FCHSD1: variants seen among roughly 807,000 people sequenced by gnomAD.
The protein encoded by FCHSD1 is FCH and double SH3 domains 1.
In FCHSD1, 109 loss-of-function variants were observed where a neutral mutation model predicts 101.3. That is an observed-to-expected ratio of 1.08 (90% CI 0.92 to 1.26). The LOEUF (loss-of-function observed/expected upper bound fraction) is 1.26, where lower values mean the gene tolerates loss of function less well. Ranked by LOEUF, FCHSD1 falls within the 50% of genes most tolerant of loss-of-function variation. The pLI is 0.00. For missense variants in FCHSD1, 820 were observed against 895.8 expected, an observed-to-expected ratio of 0.92 and a Z score of 1.08; for synonymous variants, 291 against 356.8, an observed-to-expected ratio of 0.82 and a Z score of 2.08.
chr5:141,639,550 G>A lies in FCHSD1; in HGVS notation c.*1948C>T. 1 of 1,613,982 alleles carries A rather than the reference G, an allele frequency of 6.2e-7. No homozygotes were observed. Among genetic ancestry groups the A allele is most frequent in the South Asian group, 1.1e-5 (1 of 91,078 alleles). On this transcript the variant is annotated 3_prime_UTR_variant, in exon 20 of 20. Coordinates refer to ENST00000435817, the MANE Select transcript of FCHSD1 (RefSeq NM_033449.3). The surrounding 1 kb of genome is among the most constrained non-coding windows in gnomAD (Gnocchi z 4.4). ...GGCTCTGCAGCCCCTTGCCTCCATT[G>A]CAGCCGCAGCAAGAGGCCTCCACTT...
rs1186947339 is a variant in FCHSD1 at position 141,639,366 on chromosome 5, C to T, written c.*2132G>A. 7.1e-6 allele frequency: 7 copies of T among 983,960 alleles called. No individual in the cohort carries two copies. Among genetic ancestry groups the T allele is most frequent in the Non-Finnish European group, 1.0e-5 (7 of 671,550 alleles). The allele number at this position is 983,960 out of a possible 1,614,324, so 61.0% of individuals were successfully genotyped here. ...AAAATGGGGCTTGGGGAAATTGGGG[C>T]TTCTGGGGTTTTAAGGAGCATGCTG... On this transcript the variant is annotated 3_prime_UTR_variant, in exon 20 of 20. Transcript: ENST00000435817. This position sits in a 1 kb window ranked among gnomAD's most constrained non-coding sequence, Gnocchi z 4.4.
rs550549331 is a variant in FCHSD1, at chr5:141,649,759, G to T, written c.233+128C>A. ...TTGCTGGGTCAGCTCCTCTGCTGCT[G>T]CTGTGTCAGCTCTACCTACAGCTCA... is the stretch of plus-strand genomic sequence containing the variant. On this transcript the variant is annotated intron_variant, in intron 4 of 19. Transcript: ENST00000435817. This position sits in a 1 kb window ranked among gnomAD's most constrained non-coding sequence, Gnocchi z 4.1. 862 of 1,238,408 alleles carry T rather than the reference G, an allele frequency of 7.0e-4. 2 individuals are homozygous for T. The highest frequency in any genetic ancestry group is 8.2e-4 in the Non-Finnish European group (735 of 899,844). 76.7% of individuals were successfully genotyped at this position (1,238,408 alleles called of 1,614,324 possible).
At chr5:141,647,041 T>G (rs1404538489) in intron 10 of FCHSD1, 94 bp downstream of exon 10, 8 of 1,228,164 alleles carry the variant, frequency 6.5e-6, no homozygotes, top group Non-Finnish European at 8.0e-6. Flanking sequence ...CGGTGTACAC[T>G]CACTAAGTTA....
Position 141,640,618 on chromosome 5 carries a change from G to C in FCHSD1, c.*880C>G. On this transcript the variant is annotated 3_prime_UTR_variant, in exon 20 of 20. Transcript: ENST00000435817. ...AAGGTCCTGGAGCCCCAGGGGAAAA[G>C]CTGGACACAGCTTGAACAGGAAGCA... 2 of 1,539,902 alleles carry C rather than the reference G, an allele frequency of 1.3e-6. No individual in the cohort carries two copies. Among genetic ancestry groups the C allele is most frequent in the Non-Finnish European group, 1.7e-6 (2 of 1,144,802 alleles).
At position 141,644,233 on chromosome 5, in the gene FCHSD1, G is replaced by A. The variant is rs762774318; in HGVS notation, c.1848C>T (p.Leu616=). 2.5e-6 allele frequency: 4 copies of A among 1,612,152 alleles called. No individual in the cohort carries two copies. Among genetic ancestry groups the A allele is most frequent in the Non-Finnish European group, 3.4e-6 (4 of 1,179,068 alleles). The part of the protein sequence containing the change: ...ELLGPPGPPE[L]SDPEQMLPSP... ...TAAGCCTCACCTGTTCAGGGTCAGA[G>A]AGTTCAGGTGGCCCTGGGGGGCCAA... The change falls in exon 17 of 20, where the codon CTC becomes CTT. Residue 616 remains leucine, a synonymous_variant. Transcript: ENST00000435817.
chr5:141,648,359 C>CT (rs1172220422), intron 7 of FCHSD1, among the ~76,000 whole-genome samples: 2 of 152,220 alleles, frequency 1.3e-5, no homozygotes, highest in African/African-American at 4.8e-5. Flanking sequence ...TCTCTGACCT[C>CT]TTTTCAAGCG....
In FCHSD1 at chr5:141,639,959, C is replaced by T. The variant is rs1596455055; in HGVS notation, c.*1539G>A. 5.6e-6 allele frequency: 9 copies of T among 1,614,022 alleles called. No individual in the cohort carries two copies. Among genetic ancestry groups the T allele is most frequent in the Admixed American group, 3.3e-5 (2 of 60,022 alleles). On this transcript the variant is annotated 3_prime_UTR_variant, in exon 20 of 20. Coordinates refer to ENST00000435817, the MANE Select transcript of FCHSD1 (RefSeq NM_033449.3). The surrounding 1 kb of genome is among the most constrained non-coding windows in gnomAD (Gnocchi z 4.4). ...ACATTGAGAAGCGCTATGGACTGCA[C>T]GAACACCGTGATGGCTCCCCCACAG...
At chr5:141,641,841 T>C in intron 18 of FCHSD1, 84 bp from the exon 19 acceptor site, 3 of 1,366,214 alleles carry the variant, frequency 2.2e-6, no homozygotes, top group South Asian at 2.4e-5. Context: ...TGGCATTCTA[T>C]AAATATTTGT....
rs1195423092 is a variant in FCHSD1 at position 141,645,870 on chromosome 5, C to T, written c.1212G>A (p.Glu404=). ...GGGTCATGGCTGGCTTCAGCCAGCGCTCCACATCTAAGCCAGCCCCCTGCA... is the reference window on the plus strand; with the variant it reads ...GGGTCATGGCTGGCTTCAGCCAGCGTTCCACATCTAAGCCAGCCCCCTGCA... The part of the protein sequence containing the change: ...ALLQGAGLDV[E]RWLKPAMTQA... Residue 404 remains glutamate (E), a synonymous_variant, in exon 13 of 20, where the codon GAG becomes GAA. Transcript: ENST00000435817. The T allele has an allele frequency of 6.3e-7, 1 of 1,592,304 alleles. No homozygotes were observed. Among genetic ancestry groups the T allele is most frequent in the Non-Finnish European group, 8.6e-7 (1 of 1,169,386 alleles).
chr5:141,647,171 G>C lies in FCHSD1; in HGVS notation c.888C>G (p.Thr296=). The part of the protein sequence containing the change: ...FLQEPGVFSP[T]PPQQFQPAGT... The stretch of plus-strand genomic sequence containing the variant: ...CTGCTGGCTGAAACTGCTGAGGTGG[G>C]GTGGGGGAAAATACACCAGGCTCCT... The change falls in exon 10 of 20, where the codon ACC becomes ACG. Residue 296 remains threonine (T), a synonymous_variant. Coordinates refer to ENST00000435817, the MANE Select transcript of FCHSD1 (RefSeq NM_033449.3). 6.2e-7 allele frequency: 1 copy of C among 1,609,884 alleles called. No homozygotes were observed. Among genetic ancestry groups the C allele is most frequent in the Non-Finnish European group, 8.5e-7 (1 of 1,178,162 alleles).
chr5:141,645,851 TGGC>T lies in FCHSD1; in HGVS notation c.1228_1230del (p.Ala410del), dbSNP rs765859103. 3.7e-6 allele frequency: 6 copies of T among 1,604,142 alleles called. No homozygotes were observed. The highest frequency in any genetic ancestry group is 5.1e-6 in the Non-Finnish European group (6 of 1,175,444). On this transcript the variant is annotated inframe_deletion, in exon 13 of 20. Transcript: ENST00000435817. The stretch of plus-strand genomic sequence containing the variant: ...TCCACCTCATCCTGGGCCTGGGTCA[TGGC>T]TGGCTTCAGCCAGCGCTCCACATCT...
chr5:141,646,432 G>A, intron 11 of FCHSD1, 171 bp downstream of exon 11: 1 of 1,129,796 alleles, frequency 8.9e-7, no homozygotes, highest in Non-Finnish European at 1.2e-6. Flanking sequence ...ACCTATGTCG[G>A]TCTAGCTCCA....
chr5:141,641,913 T>G, intron 18 of FCHSD1, 156 bp from the exon 19 acceptor site: 1 of 766,150 alleles, frequency 1.3e-6, no homozygotes, highest in Non-Finnish European at 2.1e-6. Context: ...TCCTCAACAT[T>G]TATTGGGCAA....
At chr5:141,650,490 A>C in intron 2 of FCHSD1, 86 bp from the exon 3 acceptor site, 1 of 1,566,434 alleles carries the variant, frequency 6.4e-7, no homozygotes, top group South Asian at 1.1e-5. Context: ...TACTCTGGGC[A>C]GGAGGGAGCG....
In FCHSD1 at chr5:141,640,486, C is replaced by G; in HGVS notation, c.*1012G>C. The G allele has an allele frequency of 6.2e-7, 1 of 1,613,930 alleles. No individual in the cohort carries two copies. Among genetic ancestry groups the G allele is most frequent in the South Asian group, 1.1e-5 (1 of 91,070 alleles). On this transcript the variant is annotated 3_prime_UTR_variant, in exon 20 of 20. Coordinates refer to ENST00000435817, the MANE Select transcript of FCHSD1 (RefSeq NM_033449.3). Reference sequence around the variant, plus strand: ...CCCTAAATGAGGTAATCTCATCTTCCCATCACCTACTTAAACTATTTAAGC... The same window carrying G: ...CCCTAAATGAGGTAATCTCATCTTCGCATCACCTACTTAAACTATTTAAGC...
rs905962918 is a variant in FCHSD1, at chr5:141,647,651, A to G, written c.706-131T>C. Reference sequence around the variant, plus strand: ...GAGAAGAAGACATTCTTCATGAGAAAGGCCCTCGTGTGCAGAGCACTTAGA... The same window carrying G: ...GAGAAGAAGACATTCTTCATGAGAAGGGCCCTCGTGTGCAGAGCACTTAGA... On this transcript the variant is annotated intron_variant, in intron 8 of 19. Transcript: ENST00000435817. 5 of 1,421,670 alleles carry G rather than the reference A, an allele frequency of 3.5e-6. No homozygotes were observed. In the African/African-American group the frequency reaches 7.2e-5, roughly 21 times the overall value. 88.1% of individuals were successfully genotyped at this position (1,421,670 alleles called of 1,614,324 possible).
chr5:141,651,180 G>C (rs965849458), intron 1 of FCHSD1, 63 bp from the exon 2 acceptor site: 10 of 1,508,446 alleles, frequency 6.6e-6, no homozygotes, highest in Non-Finnish European at 9.0e-6. Context: ...TCCGCGCAGG[G>C]AGCGGTGAGG....
At position 141,647,423 on chromosome 5, in the gene FCHSD1, T is replaced by C. The variant is rs182954817; in HGVS notation, c.803A>G (p.His268Arg). Residue 268 changes from histidine to arginine, a missense_variant, in exon 9 of 20, where the codon CAC becomes CGC. Transcript: ENST00000435817. ...EAAEVILEHA[H>R]RGEQTTSQVS... is the part of the protein sequence containing the mutation. ...CTGGGAGGTTGTCTGCTCCCCGCGG[T>C]GGGCATGCTCCAGGATGACCTCTGC... 6.2e-7 allele frequency: 1 copy of C among 1,603,330 alleles called. No individual in the cohort carries two copies. Among genetic ancestry groups the C allele is most frequent in the Non-Finnish European group, 8.5e-7 (1 of 1,174,044 alleles).
chr5:141,647,317 T>C (rs251177), intron 9 of FCHSD1, 81 bp downstream of exon 9: 351,070 of 1,561,704 alleles, frequency 0.22, 41,789 homozygotes, highest in African/African-American at 0.36. Context: ...AAAAGGACAA[T>C]GTGTGAAGCA....
Sources: gnomAD v4.1 joint callset for allele counts (sites outside exome capture counted in the v4.1 genomes callset) on GRCh38, gnomAD v4.1.1 for gene constraint, Gnocchi (gnomAD v3.1) non-coding constraint, MANE v1.5 for transcripts, NCBI Gene and HGNC (gene_info 2026-07-23, HGNC 2026-07-21) for gene names.